Variants in ARL15 observed in about 807,000 individuals in gnomAD.
ARL15 encodes ARF like GTPase 15, also known as ADP-ribosylation factor-like protein 15.
ARL15 carries 19 observed loss-of-function variants against 25.2 expected under a neutral mutation model. The observed-to-expected ratio is 0.75, with a 90% CI of 0.53 to 1.10. The LOEUF is 1.10. Ranked by LOEUF, ARL15 falls within the 50% of genes least tolerant of loss-of-function variation. ARL15 has a pLI of 0.00. For synonymous variants in ARL15, 94 were observed against 86.8 expected (o/e 1.08, Z -0.46); for missense variants, 220 against 246.0 (o/e 0.89, Z 0.71).
intron 3 of ARL15, among the ~76,000 whole-genome samples, chr5:54,118,452 A>T (rs955309287): frequency 2.8e-4 from 42 of 152,172 alleles, no homozygotes; most frequent in Admixed American, 2.6e-3. Context: ...TTATATTAAC[A>T]TGTTATGAGC....
chr5:54,097,298 AGAGTGAG>A (rs1561222798), intron 4 of ARL15, among the ~76,000 whole-genome samples: 1 of 3,700 alleles, frequency 2.7e-4, no homozygotes, highest in Admixed American at 5.1e-3. Flanking sequence ...GCCTGGTGAC[AGAGTGAG>A]ACTCCATCTC....
intron 1 of ARL15, among the ~76,000 whole-genome samples, chr5:54,183,330 A>G (rs1755118900): frequency 8.0e-6 from 1 of 124,390 alleles, no homozygotes. Context: ...TCCCATCAAT[A>G]CCTAATTTAT....
Position 53,890,217 on chromosome 5 carries a change from C to T in ARL15, c.463-3504G>A, listed in dbSNP as rs1045762945. Among the ~76,000 whole-genome samples, 5 of 151,972 alleles carry T rather than the reference C, an allele frequency of 3.3e-5. 1 individual carries two copies. The highest frequency in any genetic ancestry group is 1.2e-4 in the African/African-American group (5 of 41,364). Reference sequence around the variant, plus strand: ...TTACAGTCACATTTGAATTGTTCACCATTGCTTTTTTGTCTTTGTATATGT... The same window carrying T: ...TTACAGTCACATTTGAATTGTTCACTATTGCTTTTTTGTCTTTGTATATGT... On this transcript the variant is annotated intron_variant, in intron 4 of 4. Transcript: ENST00000504924.
chr5:53,891,480 C>T (rs1344462234), intron 4 of ARL15, among the ~76,000 whole-genome samples: 1 of 152,192 alleles, frequency 6.6e-6, no homozygotes, highest in African/African-American at 2.4e-5. Flanking sequence ...GAAATGAAAA[C>T]AACCTGCACC....
chr5:53,921,279 C>T (rs988776865), intron 4 of ARL15, among the ~76,000 whole-genome samples: 1 of 152,120 alleles, frequency 6.6e-6, no homozygotes, highest in African/African-American at 2.4e-5. Flanking sequence ...TGACATTCTG[C>T]CCTTGGTCAG....
intron 1 of ARL15, among the ~76,000 whole-genome samples, chr5:54,198,371 C>T (rs1415716092): frequency 4.6e-5 from 7 of 152,082 alleles, no homozygotes; most frequent in East Asian, 1.9e-4. Flanking sequence ...TGTTTGCAGA[C>T]GACACAATTG....
intron 3 of ARL15, among the ~76,000 whole-genome samples, chr5:54,145,526 T>G (rs572364991): frequency 6.6e-6 from 1 of 152,272 alleles, no homozygotes; most frequent in East Asian, 1.9e-4. Context: ...AATCTAGTTT[T>G]ATGTTTTTCT....
intron 3 of ARL15, among the ~76,000 whole-genome samples, chr5:54,151,089 T>C (rs1456230193): frequency 1.3e-5 from 2 of 152,116 alleles, no homozygotes; most frequent in Non-Finnish European, 2.9e-5. Flanking sequence ...GAGATAATAA[T>C]AGCATCTACT....
intron 4 of ARL15, among the ~76,000 whole-genome samples, chr5:53,920,808 C>T (rs140303147): frequency 6.4e-4 from 98 of 152,290 alleles, no homozygotes; most frequent in Non-Finnish European, 1.2e-3. Context: ...CAATTCACAG[C>T]CTTTGCCAGG....
At chr5:54,139,644 TTG>T (rs1753714113) in intron 3 of ARL15, among the ~76,000 whole-genome samples, 1 of 152,102 alleles carries the variant, frequency 6.6e-6, no homozygotes, top group South Asian at 2.1e-4. Context: ...CAAAAACCAC[TTG>T]TACCTCAAAA....
intron 3 of ARL15, among the ~76,000 whole-genome samples, chr5:54,116,481 C>T (rs573012165): frequency 1.3e-5 from 2 of 152,312 alleles, no homozygotes; most frequent in African/African-American, 4.8e-5. Flanking sequence ...TATCTGTACA[C>T]TAGCTTGTTA....
At chr5:54,097,425 CTCTA>C (rs953202685) in intron 4 of ARL15, among the ~76,000 whole-genome samples, 7 of 128,284 alleles carry the variant, frequency 5.5e-5, no homozygotes, top group African/African-American at 2.0e-4. Context: ...TAGATTCTCT[CTCTA>C]TCTTAACTAA....
At chr5:53,960,248 T>A (rs1479939015) in intron 4 of ARL15, among the ~76,000 whole-genome samples, 2 of 152,224 alleles carry the variant, frequency 1.3e-5, no homozygotes, top group Non-Finnish European at 2.9e-5. Flanking sequence ...GAGATAAACA[T>A]TTCCTGGTGC....
chr5:54,296,137 A>T (rs930056859), intron 1 of ARL15, among the ~76,000 whole-genome samples: 3 of 152,234 alleles, frequency 2.0e-5, no homozygotes, highest in African/African-American at 7.2e-5. Flanking sequence ...ACCAGCAAGC[A>T]GTTGAAGTGT....
intron 4 of ARL15, among the ~76,000 whole-genome samples, chr5:54,077,290 A>T (rs866946102): frequency 7.2e-5 from 11 of 152,182 alleles, no homozygotes; most frequent in Admixed American, 2.0e-4. Flanking sequence ...AACACGGAAA[A>T]CATGGCTCCA....
chr5:53,889,767 T>A (rs1744653827), intron 4 of ARL15, among the ~76,000 whole-genome samples: 1 of 151,908 alleles, frequency 6.6e-6, no homozygotes, highest in South Asian at 2.1e-4. Flanking sequence ...AAGACCACAG[T>A]ACAGAGAGGA....
At chr5:54,091,671 G>C (rs971986044) in intron 4 of ARL15, among the ~76,000 whole-genome samples, 1 of 152,096 alleles carries the variant, frequency 6.6e-6, no homozygotes. Flanking sequence ...ACTGACAGTC[G>C]GGCTTGTGCC....
At chr5:54,307,664 A>C (rs891967531) in intron 1 of ARL15, among the ~76,000 whole-genome samples, 2 of 152,166 alleles carry the variant, frequency 1.3e-5, no homozygotes, top group Non-Finnish European at 2.9e-5. Context: ...CTGTTAAGAC[A>C]AAATAGCACC....
At chr5:54,238,804 C>T (rs1001892358) in intron 1 of ARL15, among the ~76,000 whole-genome samples, 6 of 152,168 alleles carry the variant, frequency 3.9e-5, no homozygotes, top group African/African-American at 7.2e-5. Flanking sequence ...GAAACAGGAA[C>T]GCTTGACTCA....
Sources: allele counts gnomAD v4.1 joint callset (sites outside exome capture counted in the v4.1 genomes callset), GRCh38; gene constraint gnomAD v4.1.1; transcripts MANE v1.5; gene names NCBI Gene and HGNC (gene_info 2026-07-23, HGNC 2026-07-21).